SCHIP1: variants seen among roughly 807,000 people sequenced by gnomAD.
SCHIP1 encodes the protein schwannomin interacting protein 1, also known as schwannomin-interacting protein 1.
SCHIP1 carries 8 observed loss-of-function variants against 29.7 expected under a neutral mutation model. The observed-to-expected ratio is 0.27, with a 90% CI of 0.16 to 0.49. The LOEUF (loss-of-function observed/expected upper bound fraction) is 0.49, where lower values mean the gene tolerates loss of function less well. Ranked by LOEUF, SCHIP1 falls within the 20% of genes least tolerant of loss-of-function variation. SCHIP1 has a pLI of 0.99. For missense variants in SCHIP1, 193 were observed against 294.6 expected, an observed-to-expected ratio of 0.66 and a Z score of 2.52; for synonymous variants, 76 against 94.9, an observed-to-expected ratio of 0.80 and a Z score of 1.16.
chr3:159,888,896 T>C (rs556218373), exon 5 of SCHIP1: 3 of 1,614,144 alleles, frequency 1.9e-6, no homozygotes, highest in Non-Finnish European at 2.5e-6. Flanking sequence ...GACATGACTA[T>C]TGGGCAGCTA....
the SCHIP1 span, among the ~76,000 whole-genome samples, chr3:159,776,332 CTTT>C: frequency 1.5e-5 from 2 of 135,450 alleles, no homozygotes; most frequent in African/African-American, 2.9e-5. Context: ...AGTGTTCTGT[CTTT>C]TTTTTTTTTT....
chr3:159,807,926 C>A, the SCHIP1 span, among the ~76,000 whole-genome samples: 3 of 152,156 alleles, frequency 2.0e-5, no homozygotes, highest in Non-Finnish European at 4.4e-5. Flanking sequence ...TGCAGTGTGC[C>A]CAAAGCATAG....
the SCHIP1 span, among the ~76,000 whole-genome samples, chr3:159,698,513 C>A: frequency 1.3e-5 from 2 of 152,232 alleles, no homozygotes; most frequent in African/African-American, 4.8e-5. Flanking sequence ...TGGCCAAAGG[C>A]AGACATGGGT....
At chr3:159,426,586 G>C in the SCHIP1 span, among the ~76,000 whole-genome samples, 17 of 152,134 alleles carry the variant, frequency 1.1e-4, no homozygotes, top group Admixed American at 5.2e-4. Context: ...TGGATTCACA[G>C]CCAAATTCTA....
chr3:159,722,159 C>G, the SCHIP1 span: 2 of 252,946 alleles, frequency 7.9e-6, no homozygotes, highest in Admixed American at 5.0e-5. Context: ...TGGTGGATAC[C>G]TGTATGGTGG....
the SCHIP1 span, among the ~76,000 whole-genome samples, chr3:159,448,594 A>G: frequency 3.3e-5 from 5 of 152,202 alleles, no homozygotes; most frequent in African/African-American, 9.7e-5. Context: ...AAGATTTGCC[A>G]TAAAATATGT....
chr3:159,844,254 A>G (rs1711517901), intron 1 of SCHIP1, among the ~76,000 whole-genome samples: 1 of 152,152 alleles, frequency 6.6e-6, no homozygotes, highest in Non-Finnish European at 1.5e-5. Flanking sequence ...TTCTAAATGG[A>G]TGATTTGTTT....
At chr3:159,587,166 C>T in the SCHIP1 span, among the ~76,000 whole-genome samples, 1 of 152,140 alleles carries the variant, frequency 6.6e-6, no homozygotes, top group Non-Finnish European at 1.5e-5. Context: ...AGAGATAAAA[C>T]CTGGAAAGCA....
At chr3:159,473,928 C>G in the SCHIP1 span, among the ~76,000 whole-genome samples, 1 of 151,972 alleles carries the variant, frequency 6.6e-6, no homozygotes, top group Admixed American at 6.6e-5. Flanking sequence ...AATTTGATCC[C>G]CTTTTTTTCT....
chr3:159,417,269 C>T, the SCHIP1 span, among the ~76,000 whole-genome samples: 3 of 152,182 alleles, frequency 2.0e-5, no homozygotes, highest in Non-Finnish European at 2.9e-5. Context: ...TGGAGGACTG[C>T]TCAGAGCTTA....
the SCHIP1 span, among the ~76,000 whole-genome samples, chr3:159,534,910 C>G: frequency 6.6e-6 from 1 of 152,112 alleles, no homozygotes; most frequent in Non-Finnish European, 1.5e-5. Context: ...ATCCACTCCC[C>G]AACCCAAAAT....
chr3:159,398,957 G>A, the SCHIP1 span: 3 of 983,896 alleles, frequency 3.0e-6, no homozygotes, highest in Non-Finnish European at 3.6e-6. Flanking sequence ...AAACAAGTGT[G>A]GGCAATTTGC....
chr3:159,433,749 G>A, the SCHIP1 span, among the ~76,000 whole-genome samples: 1 of 152,176 alleles, frequency 6.6e-6, no homozygotes, highest in Non-Finnish European at 1.5e-5. Context: ...GATAATATAT[G>A]TAAGTCACAA....
At chr3:159,843,001 C>CTTCTTTTTTTTTTTTTTTTTTTT (rs1744394617) in intron 1 of SCHIP1, among the ~76,000 whole-genome samples, 1 of 63,710 alleles carries the variant, frequency 1.6e-5, no homozygotes, top group African/African-American at 4.7e-5. Context: ...ATATTTCTTT[C>CTTCTTTTTTTTTTTTTTTTTTTT]TTTTTTTTTT....
the SCHIP1 span, among the ~76,000 whole-genome samples, chr3:159,276,128 A>G: frequency 1.3e-5 from 2 of 152,106 alleles, no homozygotes; most frequent in Non-Finnish European, 2.9e-5. Flanking sequence ...ACTAAGAAAG[A>G]TTAGTTCATC....
the SCHIP1 span, among the ~76,000 whole-genome samples, chr3:159,668,262 A>C: frequency 8.2e-3 from 1,244 of 152,044 alleles, 22 homozygotes; most frequent in African/African-American, 0.029. Flanking sequence ...CTGTAGTCCC[A>C]GCTACTCGGG....
At chr3:159,784,047 C>T in the SCHIP1 span, among the ~76,000 whole-genome samples, 20,746 of 152,170 alleles carry the variant, frequency 0.14, 1,638 homozygotes, top group Middle Eastern at 0.29. Flanking sequence ...CCTGCAGTCC[C>T]CCTTCCATCC....
the SCHIP1 span, among the ~76,000 whole-genome samples, chr3:159,601,522 A>G: frequency 6.6e-6 from 1 of 152,160 alleles, no homozygotes; most frequent in Non-Finnish European, 1.5e-5. Context: ...AGGATCAGGT[A>G]TGCAGAGGGG....
the SCHIP1 span, among the ~76,000 whole-genome samples, chr3:159,751,967 A>G: frequency 6.6e-6 from 1 of 152,138 alleles, no homozygotes; most frequent in Non-Finnish European, 1.5e-5. Flanking sequence ...TCATCCCCTC[A>G]GGGCTATTCT....
Sources: allele counts gnomAD v4.1 joint callset (sites outside exome capture counted in the v4.1 genomes callset), GRCh38; gene constraint gnomAD v4.1.1; transcripts MANE v1.5; gene names NCBI Gene and HGNC (gene_info 2026-07-23, HGNC 2026-07-21).